CLGN: variants seen among roughly 807,000 people sequenced by gnomAD.
The protein encoded by CLGN is testis tissue sperm-binding protein Li 79P.
Under a neutral mutation model 79.1 loss-of-function variants are expected in CLGN, and 62 were observed. The observed-to-expected ratio is 0.78, with a 90% CI of 0.64 to 0.97. The LOEUF is 0.97. Ranked by LOEUF, CLGN falls within the 50% of genes least tolerant of loss-of-function variation. The pLI, the probability that CLGN is intolerant of heterozygous loss-of-function variation, is 0.00. For missense variants in CLGN, 647 were observed against 715.5 expected, an observed-to-expected ratio of 0.90 and a Z score of 1.09; for synonymous variants, 225 against 224.7, an observed-to-expected ratio of 1.00 and a Z score of -0.01.
intron 11 of CLGN, among the ~76,000 whole-genome samples, chr4:140,392,987 G>A (rs751953343): frequency 6.6e-6 from 1 of 151,944 alleles, no homozygotes; most frequent in Non-Finnish European, 1.5e-5. Context: ...TTCCTTTTTG[G>A]TAAATTTCAG....
chr4:140,409,865 G>A lies in CLGN; in HGVS notation c.249C>T (p.Asp83=), dbSNP rs1326928984. 1 of 1,597,716 alleles carries A rather than the reference G, an allele frequency of 6.3e-7. No individual in the cohort carries two copies. The highest frequency in any genetic ancestry group is 8.6e-7 in the Non-Finnish European group (1 of 1,168,072). ...CGTATATTGAAATTTCCTCATCCAT[G>A]TCATCTTTCTTTGCTTTTGATAAGA... ...GWVLSKAKKD[D]MDEEISIYDG... The change falls in exon 4 of 15, where the codon GAC becomes GAT. Residue 83 remains aspartate, a synonymous_variant. Transcript: ENST00000325617.
At chr4:140,393,065 T>A (rs538976092) in intron 11 of CLGN, among the ~76,000 whole-genome samples, 151 of 152,260 alleles carry the variant, frequency 9.9e-4, no homozygotes, top group South Asian at 7.7e-3. Context: ...TGTACTCTGA[T>A]CATTCATTCT....
At chr4:140,419,370 G>A in intron 1 of CLGN, among the ~76,000 whole-genome samples, 1 of 151,776 alleles carries the variant, frequency 6.6e-6, no homozygotes, top group Middle Eastern at 3.4e-3. Flanking sequence ...AAAATCTAAA[G>A]ATAAAGATGA....
At chr4:140,402,877 T>C (rs962956772) in intron 5 of CLGN, among the ~76,000 whole-genome samples, 5 of 152,222 alleles carry the variant, frequency 3.3e-5, no homozygotes, top group African/African-American at 1.2e-4. Context: ...TATGATTTCA[T>C]TAAATGAATT....
chr4:140,423,539 A>C (rs192466837), intron 1 of CLGN, among the ~76,000 whole-genome samples: 3 of 152,356 alleles, frequency 2.0e-5, no homozygotes, highest in African/African-American at 7.2e-5. Flanking sequence ...TGCTGGCTTC[A>C]TAGAATGAAT....
In CLGN at chr4:140,388,769, CAA is replaced by C. The variant is rs1728720895; in HGVS notation, c.*453_*454del. 6.5e-6 allele frequency: 1 copy of C among 153,888 alleles called. No individual in the cohort carries two copies. The highest frequency in any genetic ancestry group is 2.4e-5 in the African/African-American group (1 of 41,448). The allele number at this position is 153,888 out of a possible 1,614,324, so 9.5% of individuals were successfully genotyped here. ...CAACACTTTCAATTGTTGATAGAAT[CAA>C]ACAACCATACAGAAACTTTATTGCA... On this transcript the variant is annotated 3_prime_UTR_variant, in exon 15 of 15. Transcript: ENST00000325617.
At chr4:140,422,996 T>A (rs1252957308) in intron 1 of CLGN, among the ~76,000 whole-genome samples, 1 of 152,238 alleles carries the variant, frequency 6.6e-6, no homozygotes, top group African/African-American at 2.4e-5. Flanking sequence ...AAGATCATGT[T>A]ATCTGCTGAG....
At chr4:140,410,350 T>C (rs898674690) in intron 3 of CLGN, among the ~76,000 whole-genome samples, 4 of 152,052 alleles carry the variant, frequency 2.6e-5, no homozygotes, top group African/African-American at 9.6e-5. Context: ...TCGGAATTAG[T>C]ATATTTTCTT....
intron 1 of CLGN, among the ~76,000 whole-genome samples, chr4:140,418,670 T>C (rs1729395830): frequency 1.3e-5 from 2 of 151,518 alleles, no homozygotes; most frequent in South Asian, 4.2e-4. Flanking sequence ...CTTACACCAG[T>C]TAGAATGGCA....
intron 10 of CLGN, among the ~76,000 whole-genome samples, chr4:140,394,565 T>C (rs2126615274): frequency 6.6e-6 from 1 of 152,320 alleles, no homozygotes; most frequent in South Asian, 2.1e-4. Context: ...CATTGCTCAC[T>C]GACTCACTCC....
chr4:140,427,200 G>T (rs974534299), intron 1 of CLGN, among the ~76,000 whole-genome samples: 1 of 152,186 alleles, frequency 6.6e-6, no homozygotes, highest in African/African-American at 2.4e-5. Flanking sequence ...AGCCCGCAGG[G>T]GAGGCCGGCC....
At chr4:140,427,033 T>C (rs1729581417) in intron 1 of CLGN, among the ~76,000 whole-genome samples, 1 of 152,048 alleles carries the variant, frequency 6.6e-6, no homozygotes, top group South Asian at 2.1e-4. Flanking sequence ...TTGATCTCGT[T>C]TGGGTTTCTG....
At chr4:140,418,538 C>A (rs1488985827) in intron 1 of CLGN, among the ~76,000 whole-genome samples, 1 of 146,932 alleles carries the variant, frequency 6.8e-6, no homozygotes, top group African/African-American at 2.6e-5. Flanking sequence ...AAAAAGTGGG[C>A]GAAGGACATG....
Position 140,401,110 on chromosome 4 carries a change from A to G in CLGN, c.502-561T>C, listed in dbSNP as rs567939141. On this transcript the variant is annotated intron_variant, in intron 6 of 14. Transcript: ENST00000325617. ...CTTAAACTAGTTGGGTGTCACCCTG[A>G]CTCAAATTTTTTAAAGCTCTCTGCA... 7.2e-5 allele frequency among the ~76,000 whole-genome samples: 11 copies of G among 152,198 alleles called. No individual in the cohort carries two copies. In the South Asian group the frequency reaches 2.3e-3, roughly 32 times the overall value.
chr4:140,397,576 A>G (rs1360172989), intron 8 of CLGN, among the ~76,000 whole-genome samples: 2 of 152,020 alleles, frequency 1.3e-5, no homozygotes, highest in Non-Finnish European at 2.9e-5. Flanking sequence ...ATAATTTTTA[A>G]AACTCTCCTT....
At chr4:140,408,884 T>C (rs183388732) in intron 4 of CLGN, among the ~76,000 whole-genome samples, 1,770 of 145,514 alleles carry the variant, frequency 0.012, 29 homozygotes, top group African/African-American at 0.034. Flanking sequence ...TATATATATA[T>C]ACACACACAC....
At chr4:140,404,446 T>C (rs118069520) in intron 5 of CLGN, among the ~76,000 whole-genome samples, 1 of 152,306 alleles carries the variant, frequency 6.6e-6, no homozygotes, top group East Asian at 1.9e-4. Flanking sequence ...TATATTCATA[T>C]ATATTAACAT....
At chr4:140,418,011 T>C (rs1277973806) in intron 1 of CLGN, among the ~76,000 whole-genome samples, 1 of 152,018 alleles carries the variant, frequency 6.6e-6, no homozygotes, top group Non-Finnish European at 1.5e-5. Flanking sequence ...GAGATATGGA[T>C]CAATGGAACA....
chr4:140,405,870 T>C, intron 5 of CLGN, 72 bp downstream of exon 5: 2 of 1,449,598 alleles, frequency 1.4e-6, no homozygotes, highest in Non-Finnish European at 1.9e-6. Flanking sequence ...ATTTTCAAAA[T>C]ACAAGCTATA....
Sources: gnomAD v4.1 joint callset for allele counts (sites outside exome capture counted in the v4.1 genomes callset) on GRCh38, gnomAD v4.1.1 for gene constraint, MANE v1.5 for transcripts, NCBI Gene and HGNC (gene_info 2026-07-23, HGNC 2026-07-21) for gene names.